The following SMYD3 variants were observed in gnomAD, a reference collection of about 807,000 sequenced individuals.
SMYD3 encodes the protein SET and MYND domain containing 3, also known as histone-lysine N-methyltransferase SMYD3.
Under a neutral mutation model 57.7 loss-of-function variants are expected in SMYD3, and 36 were observed. That is an observed-to-expected ratio of 0.62 (90% CI 0.48 to 0.82). The LOEUF is 0.82. Among genes scored for constraint, SMYD3 ranks in the 40% least tolerant of loss-of-function variants. The pLI is 0.00. For synonymous variants in SMYD3, 211 were observed against 195.0 expected (o/e 1.08, Z -0.68); for missense variants, 515 against 538.8 (o/e 0.96, Z 0.44).
At chr1:246,086,514 T>C (rs1195176780) in intron 5 of SMYD3, among the ~76,000 whole-genome samples, 3 of 151,860 alleles carry the variant, frequency 2.0e-5, no homozygotes, top group Non-Finnish European at 2.9e-5. Flanking sequence ...TTTTTTTTTT[T>C]CTACACTTCA....
chr1:245,839,648 TA>T (rs60081197), intron 10 of SMYD3, among the ~76,000 whole-genome samples: 61,157 of 151,658 alleles, frequency 0.4, 14,148 homozygotes, highest in East Asian at 0.87. Context: ...GTGACTACAG[TA>T]AAACCCAGTG....
chr1:246,422,937 T>C (rs2067163775), intron 1 of SMYD3, among the ~76,000 whole-genome samples: 1 of 151,920 alleles, frequency 6.6e-6, no homozygotes, highest in African/African-American at 2.4e-5. Context: ...AGATCTAAAA[T>C]TCAAAAGAAG....
chr1:246,210,542 T>G (rs143723578), intron 5 of SMYD3, among the ~76,000 whole-genome samples: 6,749 of 151,928 alleles, frequency 0.044, 254 homozygotes, highest in African/African-American at 0.087. Context: ...AAACCCCGTC[T>G]CTACTAAAAA....
At chr1:245,794,210 C>A (rs2047426402) in intron 10 of SMYD3, among the ~76,000 whole-genome samples, 1 of 152,238 alleles carries the variant, frequency 6.6e-6, no homozygotes, top group Non-Finnish European at 1.5e-5. Context: ...CAACACTGTT[C>A]TACGCATTCT....
At chr1:245,858,280 G>A (rs530273337) in intron 10 of SMYD3, among the ~76,000 whole-genome samples, 2 of 152,360 alleles carry the variant, frequency 1.3e-5, no homozygotes, top group African/African-American at 2.4e-5. Context: ...CACCCACGGT[G>A]TCTGACACAT....
intron 10 of SMYD3, among the ~76,000 whole-genome samples, chr1:245,857,496 C>T (rs910297361): frequency 1.3e-5 from 2 of 152,280 alleles, no homozygotes; most frequent in Non-Finnish European, 2.9e-5. Context: ...TACAGCCATT[C>T]CCTGCCTGTT....
At chr1:246,281,059 A>T (rs1447081951) in intron 5 of SMYD3, among the ~76,000 whole-genome samples, 2 of 152,252 alleles carry the variant, frequency 1.3e-5, no homozygotes, top group East Asian at 3.8e-4. Context: ...CAGATTTCTC[A>T]AAGACTGCCG....
At chr1:245,899,860 C>T (rs1228770192) in intron 8 of SMYD3, among the ~76,000 whole-genome samples, 1 of 152,176 alleles carries the variant, frequency 6.6e-6, no homozygotes, top group African/African-American at 2.4e-5. Context: ...TTCCTCCTGG[C>T]TTACTGCTTG....
At chr1:246,014,030 G>A (rs2059331850) in intron 5 of SMYD3, among the ~76,000 whole-genome samples, 1 of 152,196 alleles carries the variant, frequency 6.6e-6, no homozygotes, top group Admixed American at 6.5e-5. Flanking sequence ...TGCATTAAAA[G>A]CAAGTATCTG....
At chr1:246,055,187 A>T (rs1343665946) in intron 5 of SMYD3, among the ~76,000 whole-genome samples, 1 of 94,162 alleles carries the variant, frequency 1.1e-5, no homozygotes, top group East Asian at 2.7e-4. Flanking sequence ...GAAAAAAACA[A>T]AAAAAAAAAC....
At chr1:245,806,813 G>A (rs1326639551) in intron 10 of SMYD3, among the ~76,000 whole-genome samples, 1 of 150,268 alleles carries the variant, frequency 6.7e-6, no homozygotes, top group African/African-American at 2.5e-5. Context: ...GGGAGGCTGA[G>A]GCAGGAGAAT....
chr1:246,468,193 G>A (rs893267471), intron 1 of SMYD3, among the ~76,000 whole-genome samples: 1 of 150,428 alleles, frequency 6.6e-6, no homozygotes, highest in Non-Finnish European at 1.5e-5. Flanking sequence ...TCACCATGAT[G>A]GAGTGGGATT....
rs866989839 is a variant in SMYD3, at chr1:246,476,004, C to G, written c.164+31050G>C. On this transcript the variant is annotated intron_variant, in intron 1 of 11. Transcript: ENST00000490107. ...CTATCTAGATTTTGTTATTCTATGA[C>G]AGGTAATATAGAAATACAGTTCAGA... Among the ~76,000 whole-genome samples, 57 of 152,158 alleles carry G rather than the reference C, an allele frequency of 3.7e-4. 1 individual carries two copies. The highest frequency in any genetic ancestry group is 1.4e-3 in the African/African-American group (56 of 41,436).
At chr1:246,099,624 T>C (rs530966007) in intron 5 of SMYD3, among the ~76,000 whole-genome samples, 1 of 152,244 alleles carries the variant, frequency 6.6e-6, no homozygotes, top group Admixed American at 6.5e-5. Context: ...TGCAGCAACA[T>C]TCAGGAAGCT....
At chr1:246,505,547 C>G (rs1402127560) in intron 1 of SMYD3, among the ~76,000 whole-genome samples, 1 of 139,186 alleles carries the variant, frequency 7.2e-6, no homozygotes, top group Non-Finnish European at 1.6e-5. Context: ...GCCCCAGCTA[C>G]TTTTGCAGTG....
intron 5 of SMYD3, among the ~76,000 whole-genome samples, chr1:245,934,135 GT>G (rs2056872635): frequency 1.3e-5 from 2 of 152,212 alleles, no homozygotes; most frequent in Admixed American, 6.5e-5. Context: ...GTTCAGTACA[GT>G]GTCTGGCACA....
At chr1:246,165,932 G>A (rs988135386) in intron 5 of SMYD3, among the ~76,000 whole-genome samples, 4 of 152,078 alleles carry the variant, frequency 2.6e-5, no homozygotes, top group African/African-American at 9.7e-5. Context: ...AATAATTTCA[G>A]TAACCTAAGA....
chr1:246,284,226 G>C (rs1558376266), intron 5 of SMYD3, among the ~76,000 whole-genome samples: 1 of 152,140 alleles, frequency 6.6e-6, no homozygotes, highest in Non-Finnish European at 1.5e-5. Flanking sequence ...CAGTACTTCT[G>C]CATCTAGCAT....
At chr1:245,855,522 CT>C (rs1294289710) in intron 10 of SMYD3, among the ~76,000 whole-genome samples, 11 of 152,156 alleles carry the variant, frequency 7.2e-5, no homozygotes, top group Non-Finnish European at 1.5e-4. Context: ...TTAAAATTAT[CT>C]TCATTCTACT....
Sources: allele counts gnomAD v4.1 joint callset (sites outside exome capture counted in the v4.1 genomes callset), GRCh38; gene constraint gnomAD v4.1.1; transcripts MANE v1.5; gene names NCBI Gene and HGNC (gene_info 2026-07-23, HGNC 2026-07-21).